Variants in SLFN12L observed in about 807,000 individuals in gnomAD.
SLFN12L encodes schlafen family member 12 like, also known as schlafen family member 12-like.
Under a neutral mutation model 34.8 loss-of-function variants are expected in SLFN12L, and 34 were observed. The ratio of observed to expected loss-of-function variants is 0.98; its 90% CI spans 0.74 to 1.30. SLFN12L has a LOEUF of 1.30. SLFN12L is among the 50% of genes most tolerant of loss of function. SLFN12L has a pLI of 0.00. For missense variants in SLFN12L, 703 were observed against 696.2 expected, an observed-to-expected ratio of 1.01 and a Z score of -0.11; for synonymous variants, 259 against 247.5, an observed-to-expected ratio of 1.05 and a Z score of -0.44.
intron 2 of SLFN12L, among the ~76,000 whole-genome samples, chr17:35,496,285 G>T (rs1915069696): frequency 6.6e-6 from 1 of 152,006 alleles, no homozygotes; most frequent in South Asian, 2.1e-4. Context: ...GGAAATCAAG[G>T]CTACATCAGC....
intron 2 of SLFN12L, among the ~76,000 whole-genome samples, chr17:35,520,375 T>G (rs1915961135): frequency 6.6e-6 from 1 of 152,240 alleles, no homozygotes; most frequent in South Asian, 2.1e-4. Flanking sequence ...CTGAAAAGAC[T>G]TTTGATGTGT....
At chr17:35,484,959 G>A (rs1914519720) in intron 2 of SLFN12L, among the ~76,000 whole-genome samples, 2 of 152,158 alleles carry the variant, frequency 1.3e-5, no homozygotes, top group East Asian at 3.8e-4. Flanking sequence ...CTCAGTGTTG[G>A]TAGGTGATGT....
chr17:35,529,705 G>A (rs1420161410), intron 1 of SLFN12L, among the ~76,000 whole-genome samples: 2 of 151,188 alleles, frequency 1.3e-5, no homozygotes, highest in Non-Finnish European at 2.9e-5. Context: ...GGGGTGGGGG[G>A]CTAGGGGAGG....
rs1047339392 is a variant in SLFN12L, at chr17:35,470,959, G to T, written c.*3964C>A. Among the ~76,000 whole-genome samples, 1 of 152,062 alleles carries T rather than the reference G, an allele frequency of 6.6e-6. No individual in the cohort carries two copies. The highest frequency in any genetic ancestry group is 1.5e-5 in the Non-Finnish European group (1 of 68,006). ...AGTTTGCTGAGGATGATGGCTTCCA[G>T]CTTCATCCATGTCCCTGCAAAGGTC... On this transcript the variant is annotated 3_prime_UTR_variant, in exon 5 of 5. Transcript: ENST00000628453.
intron 2 of SLFN12L, among the ~76,000 whole-genome samples, chr17:35,506,782 G>A (rs1915476646): frequency 1.3e-5 from 2 of 152,168 alleles, no homozygotes; most frequent in Admixed American, 6.5e-5. Flanking sequence ...AGTACCTACA[G>A]ACCCAGTTCC....
chr17:35,527,807 C>T (rs2072352984), intron 1 of SLFN12L, among the ~76,000 whole-genome samples: 2 of 152,102 alleles, frequency 1.3e-5, no homozygotes, highest in Admixed American at 1.3e-4. Flanking sequence ...CAAGGATGCC[C>T]CCTCTCACCA....
chr17:35,484,627 G>C (rs1448903536), intron 2 of SLFN12L, among the ~76,000 whole-genome samples: 1 of 152,182 alleles, frequency 6.6e-6, no homozygotes, highest in African/African-American at 2.4e-5. Flanking sequence ...CCTGGGACTT[G>C]TGGCTGTGGG....
chr17:35,479,402 C>T lies in SLFN12L; in HGVS notation c.880G>A (p.Ala294Thr), dbSNP rs1914190069. Reference sequence around the variant, plus strand: ...AACTTAGTAAGATAACTCTTCTCTGCTTTAAAGCCAATTACTTCTTTATCT... The same window carrying T: ...AACTTAGTAAGATAACTCTTCTCTGTTTTAAAGCCAATTACTTCTTTATCT... ...NEDKEVIGFKAEKSYLTKLEE... is the reference protein window; with the variant it reads ...NEDKEVIGFKTEKSYLTKLEE... Residue 294 changes from alanine to threonine, a missense_variant, in exon 3 of 5, where the codon GCA (alanine) becomes ACA (threonine). Transcript: ENST00000628453. 6.2e-7 allele frequency: 1 copy of T among 1,612,134 alleles called. No homozygotes were observed. The highest frequency in any genetic ancestry group is 8.5e-7 in the Non-Finnish European group (1 of 1,178,794).
At chr17:35,499,175 G>T in intron 2 of SLFN12L, 1 of 941,716 alleles carries the variant, frequency 1.1e-6, no homozygotes, top group Non-Finnish European at 1.6e-6. Flanking sequence ...TTCTGGAGGA[G>T]GATGTGTGAA....
intron 2 of SLFN12L, among the ~76,000 whole-genome samples, chr17:35,495,225 T>C (rs1218965129): frequency 1.3e-5 from 2 of 152,136 alleles, no homozygotes; most frequent in Non-Finnish European, 2.9e-5. Flanking sequence ...TTTTAAATAT[T>C]GTTTATCTTG....
Position 35,479,936 on chromosome 17 carries a change from C to A in SLFN12L, c.346G>T (p.Gly116Ter). ...ENKGYSYKKD[G>*]IGLDLENSFS... ...GAATTTTCCAAATCTAGCCCTATTC[C>A]ATCTTTTTTATAACTATAGCCTTTA... Residue 116 changes from glycine (G) to a stop codon, truncating the protein, a stop_gained, in exon 3 of 5, where the codon GGA becomes TGA. Coordinates refer to ENST00000628453, the MANE Select transcript of SLFN12L (RefSeq NM_001363830.2). LOFTEE classifies it high-confidence loss of function. 1 of 1,614,112 alleles carries A rather than the reference C, an allele frequency of 6.2e-7. No individual in the cohort carries two copies. Among genetic ancestry groups the A allele is most frequent in the African/African-American group, 1.3e-5 (1 of 75,040 alleles).
rs1239717368 is a variant in SLFN12L, at chr17:35,475,017, T to C, written c.1745A>G (p.Asn582Ser). The change falls in exon 5 of 5, where the codon AAT becomes AGT. Residue 582 changes from asparagine to serine, a missense_variant. By Grantham distance (46) the Asn-to-Ser change is conservative. Coordinates refer to ENST00000628453, the MANE Select transcript of SLFN12L (RefSeq NM_001363830.2). ...TMKDLEKALS[N>S]ILPKENQIFL... ...GATTTGATTCTCCTTAGGTAAGATA[T>C]TTGAAAGGGCCTTTTCCAAGTCTTT... 3 of 1,595,020 alleles carry C rather than the reference T, an allele frequency of 1.9e-6. No homozygotes were observed. Among genetic ancestry groups the C allele is most frequent in the Non-Finnish European group, 1.7e-6 (2 of 1,168,918 alleles).
chr17:35,531,227 C>G, intron 1 of SLFN12L, among the ~76,000 whole-genome samples: 1 of 152,220 alleles, frequency 6.6e-6, no homozygotes, highest in African/African-American at 2.4e-5. Context: ...GGTTTTCCAT[C>G]TTTTTAGACA....
At chr17:35,481,362 A>T (rs1306944778) in intron 2 of SLFN12L, among the ~76,000 whole-genome samples, 1 of 152,240 alleles carries the variant, frequency 6.6e-6, no homozygotes, top group African/African-American at 2.4e-5. Flanking sequence ...TCTCCCTGTG[A>T]TGCTGTGCTT....
At position 35,467,667 on chromosome 17, in the gene SLFN12L, A is replaced by C. The variant is rs1913737326; in HGVS notation, c.*7256T>G. On this transcript the variant is annotated 3_prime_UTR_variant, in exon 5 of 5. Transcript: ENST00000628453. ...TTGCCCCAGGCCTTAACCTATTTTT[A>C]TAGATTTTCAATATCAAACCCCCCC... is the stretch of plus-strand genomic sequence containing the variant. Among the ~76,000 whole-genome samples the C allele has an allele frequency of 1.4e-5, 2 of 147,102 alleles. No homozygotes were observed. Among genetic ancestry groups the C allele is most frequent in the Admixed American group, 1.4e-4 (2 of 14,662 alleles).
intron 2 of SLFN12L, chr17:35,489,934 C>A: frequency 8.0e-7 from 1 of 1,257,198 alleles, no homozygotes; most frequent in Non-Finnish European, 1.1e-6. Flanking sequence ...CCAAGTGGGA[C>A]AAAAATCCCA....
In SLFN12L at chr17:35,479,743, T is replaced by TGC; in HGVS notation, c.538_539insGC (p.Asn180SerfsTer22). ...GAGGAACTCCAGTGCAGCAGAAGCA[T>TGC]TCATGACTTTTGCAGACGTTACATC... On this transcript the variant is annotated frameshift_variant, in exon 3 of 5. Coordinates refer to ENST00000628453, the MANE Select transcript of SLFN12L (RefSeq NM_001363830.2). LOFTEE classifies it high-confidence loss of function. The TGC allele has an allele frequency of 6.2e-7, 1 of 1,614,156 alleles. No individual in the cohort carries two copies.
At position 35,495,130 on chromosome 17, in the gene SLFN12L, G is replaced by C. The variant is rs1176419733; in HGVS notation, c.87-14935C>G. Among the ~76,000 whole-genome samples, 7 of 152,142 alleles carry C rather than the reference G, an allele frequency of 4.6e-5. No individual in the cohort carries two copies. The South Asian group carries it at 1.2e-3, about 27-fold the overall frequency. On this transcript the variant is annotated intron_variant, in intron 2 of 4. Transcript: ENST00000628453. Reference sequence around the variant, plus strand: ...GCCCAGGTTGGTCTCAAACTCCTAGGCTCATGCAATCTGCCCGCCTTGGCC... The same window carrying C: ...GCCCAGGTTGGTCTCAAACTCCTAGCCTCATGCAATCTGCCCGCCTTGGCC...
Position 35,472,672 on chromosome 17 carries a change from A to G in SLFN12L, c.*2251T>C, listed in dbSNP as rs549055894. Among the ~76,000 whole-genome samples, 1 of 152,022 alleles carries G rather than the reference A, an allele frequency of 6.6e-6. No homozygotes were observed. The highest frequency in any genetic ancestry group is 2.1e-4 in the South Asian group (1 of 4,824). ...TCATTTAATTCTGATTTGATTCCAT[A>G]TGAAATTCTGTGAAGAATGTCAATG... On this transcript the variant is annotated 3_prime_UTR_variant, in exon 5 of 5. Coordinates refer to ENST00000628453, the MANE Select transcript of SLFN12L (RefSeq NM_001363830.2).
Sources: allele counts gnomAD v4.1 joint callset (sites outside exome capture counted in the v4.1 genomes callset), GRCh38; gene constraint gnomAD v4.1.1; transcripts MANE v1.5; gene names NCBI Gene and HGNC (gene_info 2026-07-23, HGNC 2026-07-21).